NECTIN1: variants seen among roughly 807,000 people sequenced by gnomAD.
The protein encoded by NECTIN1 is nectin-1.
In NECTIN1, 23 loss-of-function variants were observed where a neutral mutation model predicts 48.0. The ratio of observed to expected loss-of-function variants is 0.48; its 90% CI spans 0.34 to 0.68. The LOEUF (loss-of-function observed/expected upper bound fraction) is 0.68, where lower values mean the gene tolerates loss of function less well. NECTIN1 is among the 30% of genes least tolerant of loss of function. The pLI, the probability that NECTIN1 is intolerant of heterozygous loss-of-function variation, is 0.01. For missense variants in NECTIN1, 591 were observed against 709.9 expected, an observed-to-expected ratio of 0.83 and a Z score of 1.90; for synonymous variants, 270 against 288.9, an observed-to-expected ratio of 0.93 and a Z score of 0.66.
chr11:119,714,338 G>T (rs956673019), intron 1 of NECTIN1, among the ~76,000 whole-genome samples: 3 of 152,166 alleles, frequency 2.0e-5, no homozygotes, highest in Non-Finnish European at 4.4e-5. Context: ...CCCTCCCAGG[G>T]CCATGACATG....
chr11:119,728,334 C>T lies in NECTIN1; in HGVS notation c.79+141G>A, dbSNP rs1198048485. 1.2e-5 allele frequency: 9 copies of T among 741,280 alleles called. No individual in the cohort carries two copies. In the Admixed American group the frequency reaches 2.5e-4, roughly 20 times the overall value. The allele number at this position is 741,280 out of a possible 1,614,324, so 45.9% of individuals were successfully genotyped here. On this transcript the variant is annotated intron_variant, in intron 1 of 5. Transcript: ENST00000264025. ...TCAACCTCTTTCTCCGCCGTGCCAC[C>T]TCCCACCCCCTTTACCCAAGCCGTG...
At chr11:119,659,634 G>C (rs1864628490), downstream of NECTIN1, among the ~76,000 whole-genome samples, 1 of 152,148 alleles carries the variant, frequency 6.6e-6, no homozygotes, top group African/African-American at 2.4e-5. Flanking sequence ...TGTCTGTAAG[G>C]GGACATCCTG....
intron 1 of NECTIN1, among the ~76,000 whole-genome samples, chr11:119,693,214 G>GGT (rs1865290388): frequency 6.6e-6 from 1 of 152,136 alleles, no homozygotes; most frequent in Non-Finnish European, 1.5e-5. Flanking sequence ...CCACTCTCGG[G>GGT]GTGTGTGTCT....
At chr11:119,674,298 C>G in intron 5 of NECTIN1, 1 of 1,281,744 alleles carries the variant, frequency 7.8e-7, no homozygotes, top group East Asian at 3.2e-5. Context: ...GTAAAAGACG[C>G]TCCCCATGTG....
chr11:119,723,061 C>CA (rs1322186273), intron 1 of NECTIN1, among the ~76,000 whole-genome samples: 4 of 151,208 alleles, frequency 2.6e-5, no homozygotes, highest in African/African-American at 4.9e-5. Flanking sequence ...ACTAAAAATA[C>CA]AAAAAAAATT....
intron 1 of NECTIN1, among the ~76,000 whole-genome samples, chr11:119,721,252 C>T (rs1865825716): frequency 6.6e-6 from 1 of 152,230 alleles, no homozygotes; most frequent in Non-Finnish European, 1.5e-5. Context: ...CTGTGTCCTC[C>T]TCTTCAGGCA....
chr11:119,728,302 C>A (rs1591494633), intron 1 of NECTIN1, among the ~76,000 whole-genome samples, 173 bp downstream of exon 1: 1 of 152,222 alleles, frequency 6.6e-6, no homozygotes, highest in Non-Finnish European at 1.5e-5. Context: ...GCAGGCGGTT[C>A]GGCTTCTCAA....
chr11:119,639,981 A>G, exon 6 of NECTIN1: 2 of 1,613,880 alleles, frequency 1.2e-6, no homozygotes, highest in Non-Finnish European at 1.7e-6. Flanking sequence ...GCCTGGCTGC[A>G]CTTCCCAGAC....
At chr11:119,681,801 T>A (rs1865064340) in intron 1 of NECTIN1, among the ~76,000 whole-genome samples, 1 of 152,152 alleles carries the variant, frequency 6.6e-6, no homozygotes, top group Non-Finnish European at 1.5e-5. Flanking sequence ...TGGGTGCCCC[T>A]CGTCCTGGAC....
At chr11:119,691,844 C>A (rs542460881) in intron 1 of NECTIN1, among the ~76,000 whole-genome samples, 29 of 152,308 alleles carry the variant, frequency 1.9e-4, no homozygotes, top group Non-Finnish European at 2.9e-5. Context: ...GCCTGCCCTG[C>A]TCCCAGCTCC....
chr11:119,684,434 CA>C lies in NECTIN1; in HGVS notation c.80-5670del, dbSNP rs1865119691. ...GTCTGAGGTGGGTGCTGGGCTCCGC[CA>C]TAAGGGCCTCTGTGAAATCGATATC... On this transcript the variant is annotated intron_variant, in intron 1 of 5. Coordinates refer to ENST00000264025, the MANE Select transcript of NECTIN1 (RefSeq NM_002855.5). This position sits in a 1 kb window ranked among gnomAD's most constrained non-coding sequence, Gnocchi z 5.2. Among the ~76,000 whole-genome samples, 1 of 152,218 alleles carries C rather than the reference CA, an allele frequency of 6.6e-6. No homozygotes were observed. Among genetic ancestry groups the C allele is most frequent in the Admixed American group, 6.5e-5 (1 of 15,288 alleles).
chr11:119,694,464 T>C (rs910623667), intron 1 of NECTIN1, among the ~76,000 whole-genome samples: 17 of 152,168 alleles, frequency 1.1e-4, no homozygotes, highest in African/African-American at 3.4e-4. Flanking sequence ...AGGCAGCCAG[T>C]TGTGGCGAGA....
intron 1 of NECTIN1, among the ~76,000 whole-genome samples, chr11:119,690,530 G>A (rs1170988857): frequency 6.6e-6 from 1 of 152,218 alleles, no homozygotes; most frequent in Non-Finnish European, 1.5e-5. Flanking sequence ...TCTTCAGCTA[G>A]TGTGGCCTCA....
At chr11:119,638,160 C>A (rs1222193098) in exon 8 of NECTIN1, 5 of 1,613,812 alleles carry the variant, frequency 3.1e-6, no homozygotes, top group Admixed American at 1.7e-5. Context: ...GGGGAGACCC[C>A]CAGATCATAG....
rs1284900531 is a variant in NECTIN1 at position 119,672,803 on chromosome 11, A to G, written c.1003+2356T>C. 6.6e-6 allele frequency among the ~76,000 whole-genome samples: 1 copy of G among 151,780 alleles called. No individual in the cohort carries two copies. Among genetic ancestry groups the G allele is most frequent in the Non-Finnish European group, 1.5e-5 (1 of 67,934 alleles). Reference sequence around the variant, plus strand: ...GCCCTCCAGCCCTGCCTACTCACTCATCTCCCAGCAACCACTCAGTGCTCC... The same window carrying G: ...GCCCTCCAGCCCTGCCTACTCACTCGTCTCCCAGCAACCACTCAGTGCTCC... On this transcript the variant is annotated intron_variant, in intron 5 of 5. Transcript: ENST00000264025. The surrounding 1 kb of genome is among the most constrained non-coding windows in gnomAD (Gnocchi z 4.3).
At position 119,665,251 on chromosome 11, in the gene NECTIN1, C is replaced by T; in HGVS notation, c.1050G>A (p.Gly350=). The stretch of plus-strand genomic sequence containing the variant: ...CCCCAATGATGGCCGTGGGCACCGG[C>T]CCGGCGCGCCGCCCATGTTCGGGAG... ...PSPPEHGRRA[G]PVPTAIIGGV... The change falls in exon 6 of 6, where the codon GGG becomes GGA. Residue 350 remains glycine (G), a synonymous_variant. Coordinates refer to ENST00000264025, the MANE Select transcript of NECTIN1 (RefSeq NM_002855.5). This position sits in a 1 kb window ranked among gnomAD's most constrained non-coding sequence, Gnocchi z 5.1. 1 of 1,598,402 alleles carries T rather than the reference C, an allele frequency of 6.3e-7. No individual in the cohort carries two copies. Among genetic ancestry groups the T allele is most frequent in the Non-Finnish European group, 8.5e-7 (1 of 1,177,314 alleles).
chr11:119,686,688 C>T (rs1014225539), intron 1 of NECTIN1, among the ~76,000 whole-genome samples: 8 of 152,132 alleles, frequency 5.3e-5, no homozygotes, highest in African/African-American at 1.2e-4. Flanking sequence ...CGGCGAAAAC[C>T]GCACCACTCC....
chr11:119,718,481 C>A (rs947255666), intron 1 of NECTIN1, among the ~76,000 whole-genome samples: 1 of 152,180 alleles, frequency 6.6e-6, no homozygotes, highest in African/African-American at 2.4e-5. Context: ...CCTCCCTTGC[C>A]ATCTTTTGGG....
chr11:119,711,039 A>G (rs1368985020), intron 1 of NECTIN1, among the ~76,000 whole-genome samples: 1 of 148,728 alleles, frequency 6.7e-6, no homozygotes, highest in Non-Finnish European at 1.5e-5. Context: ...CTTTCTTGGC[A>G]TGGGGGTTAA....
Sources: allele counts gnomAD v4.1 joint callset (sites outside exome capture counted in the v4.1 genomes callset), GRCh38; gene constraint gnomAD v4.1.1; non-coding constraint Gnocchi (gnomAD v3.1); transcripts MANE v1.5; gene names NCBI Gene and HGNC (gene_info 2026-07-23, HGNC 2026-07-21).